The following OVCH2 variants were observed in gnomAD, a reference collection of about 807,000 sequenced individuals.
OVCH2 encodes the protein ovochymase-2.
In OVCH2, 88 loss-of-function variants were observed where a neutral mutation model predicts 73.7. The observed-to-expected ratio is 1.19, with a 90% CI of 1.01 to 1.43. OVCH2 has a LOEUF of 1.43. Among genes scored for constraint, OVCH2 ranks in the 40% most tolerant of loss-of-function variants. The pLI is 0.00. For synonymous variants in OVCH2, 265 were observed against 234.5 expected (o/e 1.13, Z -1.19); for missense variants, 706 against 674.5 (o/e 1.05, Z -0.52).
chr11:7,698,654 G>T, intron 8 of OVCH2, 96 bp downstream of exon 8: 1 of 1,329,964 alleles, frequency 7.5e-7, no homozygotes, highest in Non-Finnish European at 1.0e-6. Flanking sequence ...ACTGAGCAGG[G>T]AGCGCTCTTG....
rs1856177294 is a variant in OVCH2 at position 7,689,458 on chromosome 11, T to C, written c.*176A>G. On this transcript the variant is annotated 3_prime_UTR_variant, in exon 16 of 16. Transcript: ENST00000533663. ...TAGGTGGCTTAGAACAACAGAAATT[T>C]ATTGTCTCATAGTTCTGGAGGCTAG... is the stretch of plus-strand genomic sequence containing the variant. The C allele has an allele frequency of 9.4e-6, 3 of 317,816 alleles. No homozygotes were observed. The highest frequency in any genetic ancestry group is 1.9e-5 in the Non-Finnish European group (3 of 159,254). 19.7% of individuals were successfully genotyped at this position (317,816 alleles called of 1,614,324 possible). A position where few individuals can be genotyped will look rare whatever the true frequency, so the allele number is the denominator to read the frequency against.
At position 7,701,421 on chromosome 11, in the gene OVCH2, T is replaced by C. The variant is rs372784618; in HGVS notation, c.614A>G (p.Glu205Gly). The C allele has an allele frequency of 3.7e-6, 6 of 1,612,550 alleles. No individual in the cohort carries two copies. In the African/African-American group the frequency reaches 4.0e-5, roughly 11 times the overall value. ...QEVNLPILTW[E>G]ECVAALLTLK... is the part of the protein sequence containing the mutation. ...TGTTAACAGAGCTGCCACACACTCT[T>C]CCCAGGTCAAAATAGGCAGATTCAC... The change falls in exon 6 of 16, where the codon GAA (glutamate) becomes GGA (glycine). Residue 205 changes from glutamate to glycine, a missense_variant. Transcript: ENST00000533663.
rs189501019 is a variant in OVCH2 at position 7,700,905 on chromosome 11, G to A, written c.711+419C>T. Among the ~76,000 whole-genome samples the A allele has an allele frequency of 4.6e-5, 7 of 152,302 alleles. No individual in the cohort carries two copies. The East Asian group carries it at 1.4e-3, about 29-fold the overall frequency. ...CATCCTTCAGGAATGGGAGAACCCC[G>A]AGTTCATTCTTGGCATTATCTCTGT... is the stretch of plus-strand genomic sequence containing the variant. On this transcript the variant is annotated intron_variant, in intron 6 of 15. Transcript: ENST00000533663.
chr11:7,690,062 G>T (rs1280678421), intron 14 of OVCH2, 49 bp from the exon 15 acceptor site: 1 of 1,280,100 alleles, frequency 7.8e-7, no homozygotes. Flanking sequence ...AGACAGCCAG[G>T]GTTGGAGATT....
downstream of OVCH2, among the ~76,000 whole-genome samples, chr11:7,684,833 C>T (rs1385552929): frequency 1.3e-5 from 2 of 151,962 alleles, no homozygotes; most frequent in Non-Finnish European, 1.5e-5. Flanking sequence ...AACAGTAATC[C>T]AGGCACAGAG....
Position 7,695,729 on chromosome 11 carries a change from G to T in OVCH2, c.1142-19C>A. ...AATTTTCCTGCAGGATGAGAAAAAA[G>T]GATTCTTTGTTCAGAATCTAGAAAA... On this transcript the variant is annotated intron_variant, in intron 10 of 15. Transcript: ENST00000533663. 1.3e-6 allele frequency: 2 copies of T among 1,594,696 alleles called. No homozygotes were observed. Among genetic ancestry groups the T allele is most frequent in the Non-Finnish European group, 1.7e-6 (2 of 1,170,186 alleles).
chr11:7,685,951 G>C (rs1199108667), downstream of OVCH2, among the ~76,000 whole-genome samples: 1 of 152,096 alleles, frequency 6.6e-6, no homozygotes, highest in East Asian at 1.9e-4. Context: ...CAGATCCAAA[G>C]GCCAGGTTGT....
At chr11:7,687,540 G>A (rs539574603), downstream of OVCH2, among the ~76,000 whole-genome samples, 8 of 152,168 alleles carry the variant, frequency 5.3e-5, no homozygotes, top group East Asian at 5.8e-4. Flanking sequence ...CCTCCAGGGA[G>A]CCTCTTTCTC....
chr11:7,695,673 A>G lies in OVCH2; in HGVS notation c.1179T>C (p.Leu393=). 6.2e-7 allele frequency: 1 copy of G among 1,613,440 alleles called. No individual in the cohort carries two copies. Among genetic ancestry groups the G allele is most frequent in the Non-Finnish European group, 8.5e-7 (1 of 1,179,774 alleles). ...FCGESLPSSI[L]IGSNSLRLKF... The stretch of plus-strand genomic sequence containing the variant: ...TCAGCCTTAGAGAATTAGAGCCAAT[A>G]AGAATGGATGAAGGGAGGCTTTCTC... Residue 393 remains leucine, a synonymous_variant, in exon 11 of 16, where the codon CTT becomes CTC. Transcript: ENST00000533663.
At chr11:7,694,288 C>G (rs1469382109) in intron 12 of OVCH2, among the ~76,000 whole-genome samples, 1 of 152,202 alleles carries the variant, frequency 6.6e-6, no homozygotes, top group African/African-American at 2.4e-5. Context: ...GAACAAACAA[C>G]TAACCACACA....
rs1856215912 is a variant in OVCH2, at chr11:7,691,346, A to G, written c.1562T>C (p.Met521Thr). ...PTPVLSPSSI[M>T]LISFQSDENG... Reference sequence around the variant, plus strand: ...TTCATCTGATTGGAAGCTGATGAGCATGATGCTGGAGGGGCTCAGCACAGG... The same window carrying G: ...TTCATCTGATTGGAAGCTGATGAGCGTGATGCTGGAGGGGCTCAGCACAGG... Residue 521 changes from methionine to threonine, a missense_variant, in exon 14 of 16, where the codon ATG (methionine) becomes ACG (threonine). Physicochemically the swap from Met to Thr is moderately conservative, Grantham distance 81. Transcript: ENST00000533663. 6.2e-7 allele frequency: 1 copy of G among 1,613,916 alleles called. No individual in the cohort carries two copies. Among genetic ancestry groups the G allele is most frequent in the South Asian group, 1.1e-5 (1 of 91,080 alleles).
chr11:7,706,066 C>T (rs576697986), intron 1 of OVCH2, among the ~76,000 whole-genome samples: 4 of 152,048 alleles, frequency 2.6e-5, no homozygotes, highest in Non-Finnish European at 2.9e-5. Flanking sequence ...GAAAACTAAG[C>T]GAAGAAAACA....
At chr11:7,695,255 CCTCCTGT>C in intron 11 of OVCH2, 67 bp from the exon 12 acceptor site, 2 of 1,455,116 alleles carry the variant, frequency 1.4e-6, no homozygotes, top group Non-Finnish European at 1.8e-6. Flanking sequence ...CACTGCTCTC[CCTCCTGT>C]CTCCTGAAAA....
downstream of OVCH2, among the ~76,000 whole-genome samples, chr11:7,687,314 T>G (rs201312072): frequency 0.096 from 14,245 of 148,282 alleles, 817 homozygotes; most frequent in Admixed American, 0.15. Context: ...GTGGAAATAA[T>G]AATAATAATA....
downstream of OVCH2, among the ~76,000 whole-genome samples, chr11:7,686,036 C>G (rs566052113): frequency 1.3e-5 from 2 of 152,260 alleles, no homozygotes; most frequent in East Asian, 3.9e-4. Flanking sequence ...AGATAGAGCT[C>G]AACTGTGGAT....
intron 2 of OVCH2, among the ~76,000 whole-genome samples, chr11:7,704,244 T>C (rs1168122837): frequency 6.6e-6 from 1 of 152,126 alleles, no homozygotes; most frequent in African/African-American, 2.4e-5. Flanking sequence ...CTTAGGGAAA[T>C]GGTTTGGATC....
intron 1 of OVCH2, among the ~76,000 whole-genome samples, chr11:7,705,018 C>G (rs1008202785): frequency 6.6e-6 from 1 of 152,126 alleles, no homozygotes; most frequent in African/African-American, 2.4e-5. Flanking sequence ...GACTCCTCAG[C>G]AAAGAGGTAG....
intron 2 of OVCH2, 147 bp from the exon 3 acceptor site, chr11:7,703,936 A>G (rs1024421789): frequency 1.0e-5 from 7 of 689,418 alleles, no homozygotes; most frequent in Non-Finnish European, 1.2e-5. Context: ...AAGCCCAGAC[A>G]CTACCGCTCA....
chr11:7,682,597 G>A, the OVCH2 span, among the ~76,000 whole-genome samples: 1 of 152,214 alleles, frequency 6.6e-6, no homozygotes, highest in South Asian at 2.1e-4. Context: ...TCCAGTTACT[G>A]TTCCCACCTG....
Sources: allele counts gnomAD v4.1 joint callset (sites outside exome capture counted in the v4.1 genomes callset), GRCh38; gene constraint gnomAD v4.1.1; transcripts MANE v1.5; gene names NCBI Gene and HGNC (gene_info 2026-07-23, HGNC 2026-07-21).